BARX2: variants seen among roughly 807,000 people sequenced by gnomAD.
BARX2 encodes the protein BARX homeobox 2, also known as homeobox protein BarH-like 2.
In BARX2, 11 loss-of-function variants were observed where a neutral mutation model predicts 25.5. That is an observed-to-expected ratio of 0.43 (90% CI 0.27 to 0.71). The LOEUF is 0.71. Among genes scored for constraint, BARX2 ranks in the 30% least tolerant of loss-of-function variants. BARX2 has a pLI of 0.19. For missense variants in BARX2, 360 were observed against 359.9 expected, an observed-to-expected ratio of 1.00 and a Z score of 0.00; for synonymous variants, 137 against 149.5, an observed-to-expected ratio of 0.92 and a Z score of 0.61.
At position 129,446,892 on chromosome 11, in the gene BARX2, C is replaced by T. The variant is rs929679195; in HGVS notation, c.573+3973C>T. ...AAACAGTCATCAGTTATGTGGCCCT[C>T]GCTGCCCTATAAAGCTGCAGAGAGA... On this transcript the variant is annotated intron_variant, in intron 3 of 3. Coordinates refer to ENST00000281437, the MANE Select transcript of BARX2 (RefSeq NM_003658.5). 7.2e-5 allele frequency among the ~76,000 whole-genome samples: 11 copies of T among 152,246 alleles called. No individual in the cohort carries two copies. The East Asian group carries it at 9.7e-4, about 13-fold the overall frequency.
chr11:129,419,666 G>A (rs755414903), intron 1 of BARX2, among the ~76,000 whole-genome samples: 1 of 152,068 alleles, frequency 6.6e-6, no homozygotes, highest in Non-Finnish European at 1.5e-5. Context: ...TGAGACTTGT[G>A]GGGGAATCTA....
chr11:129,442,585 G>A (rs3827486), intron 2 of BARX2: 213,341 of 483,146 alleles, frequency 0.44, 50,584 homozygotes, highest in East Asian at 0.84. Context: ...CTTGCAGACC[G>A]TGAATGTTTC....
chr11:129,387,812 G>A (rs966751798), intron 1 of BARX2, among the ~76,000 whole-genome samples: 3 of 152,156 alleles, frequency 2.0e-5, no homozygotes, highest in African/African-American at 7.2e-5. Context: ...CTAAATAGGA[G>A]TAACAACAAT....
chr11:129,393,710 T>G (rs1436625319), intron 1 of BARX2, among the ~76,000 whole-genome samples: 8 of 152,154 alleles, frequency 5.3e-5, no homozygotes, highest in South Asian at 4.1e-4. Flanking sequence ...TTTTTAAAAA[T>G]TAAATATTGA....
intron 1 of BARX2, among the ~76,000 whole-genome samples, chr11:129,420,541 G>A (rs1217628000): frequency 6.6e-6 from 1 of 152,192 alleles, no homozygotes; most frequent in Non-Finnish European, 1.5e-5. Context: ...GTTATTTAGT[G>A]TGTTATTAGC....
chr11:129,450,505 T>C (rs1251894247), intron 3 of BARX2, among the ~76,000 whole-genome samples: 1 of 152,226 alleles, frequency 6.6e-6, no homozygotes, highest in Non-Finnish European at 1.5e-5. Context: ...GTAATGGTTG[T>C]CAAGTATTCT....
intron 1 of BARX2, among the ~76,000 whole-genome samples, chr11:129,426,964 T>C (rs1375804169): frequency 6.6e-6 from 1 of 152,208 alleles, no homozygotes; most frequent in African/African-American, 2.4e-5. Context: ...AAGACTTCCA[T>C]TGAGCAAAGA....
intron 1 of BARX2, among the ~76,000 whole-genome samples, chr11:129,413,906 A>G (rs1861915601): frequency 2.0e-5 from 3 of 152,042 alleles, no homozygotes; most frequent in South Asian, 4.2e-4. Flanking sequence ...TACTAAATAC[A>G]AAAACAAAAA....
intron 1 of BARX2, among the ~76,000 whole-genome samples, chr11:129,382,504 C>T (rs2323584): frequency 0.47 from 72,032 of 151,978 alleles, 17,236 homozygotes; most frequent in East Asian, 0.57. Flanking sequence ...GTACTGAGCT[C>T]GTGAACGTGC....
chr11:129,407,585 A>C (rs569389341), intron 1 of BARX2, among the ~76,000 whole-genome samples: 2 of 152,302 alleles, frequency 1.3e-5, no homozygotes, highest in South Asian at 4.1e-4. Context: ...CAGCTGTGAA[A>C]TCAGATGTTT....
At chr11:129,422,933 C>T (rs1862022056) in intron 1 of BARX2, among the ~76,000 whole-genome samples, 1 of 151,562 alleles carries the variant, frequency 6.6e-6, no homozygotes, top group Non-Finnish European at 1.5e-5. Flanking sequence ...AGACTCCCGA[C>T]CTCAGATGAT....
chr11:129,446,271 C>T (rs1278541772), intron 3 of BARX2, among the ~76,000 whole-genome samples: 1 of 152,196 alleles, frequency 6.6e-6, no homozygotes, highest in East Asian at 1.9e-4. Flanking sequence ...CAGATACCTC[C>T]TTTCTCTCCT....
chr11:129,380,621 A>T (rs764404261), intron 1 of BARX2, among the ~76,000 whole-genome samples: 1 of 152,188 alleles, frequency 6.6e-6, no homozygotes, highest in Admixed American at 6.5e-5. Context: ...CCAGAGGCAC[A>T]TAGGCTTTTA....
At chr11:129,394,255 A>G (rs747616077) in intron 1 of BARX2, among the ~76,000 whole-genome samples, 2 of 152,120 alleles carry the variant, frequency 1.3e-5, no homozygotes, top group Admixed American at 1.3e-4. Context: ...TAGAGTGTCC[A>G]GTGTGTACAT....
intron 1 of BARX2, among the ~76,000 whole-genome samples, chr11:129,422,278 A>G (rs2135404092): frequency 6.6e-6 from 1 of 152,222 alleles, no homozygotes; most frequent in East Asian, 1.9e-4. Flanking sequence ...TCTTTTATGC[A>G]TTTATTTAAT....
chr11:129,451,119 A>AT lies in BARX2; in HGVS notation c.574-11dup. 6.2e-7 allele frequency: 1 copy of AT among 1,604,472 alleles called. No homozygotes were observed. Among genetic ancestry groups the AT allele is most frequent in the Non-Finnish European group, 8.5e-7 (1 of 1,173,426 alleles). On this transcript the variant is annotated splice_polypyrimidine_tract_variant and intron_variant, in intron 3 of 3. Transcript: ENST00000281437. Reference sequence around the variant, plus strand: ...GAATTATTTCTTAGATTCAATAACAATTTTTTACTCACGTAGGTTCTTAAA... The same window carrying AT: ...GAATTATTTCTTAGATTCAATAACAATTTTTTTACTCACGTAGGTTCTTAAA...
rs1861501429 is a variant in BARX2, at chr11:129,376,170, C to T, written c.135C>T (p.Tyr45=). 1 of 1,613,414 alleles carries T rather than the reference C, an allele frequency of 6.2e-7. No individual in the cohort carries two copies. The highest frequency in any genetic ancestry group is 1.1e-5 in the South Asian group (1 of 91,016). ...TCDYFEKLSL[Y]SVCPSLVVRP... ...ATTACTTTGAGAAACTTTCCCTCTA[C>T]TCCGTGTGCCCGTCGCTGGTCGTGC... The change falls in exon 1 of 4, where the codon TAC becomes TAT. Residue 45 remains tyrosine (Y), a synonymous_variant. Transcript: ENST00000281437. This position sits in a 1 kb window ranked among gnomAD's most constrained non-coding sequence, Gnocchi z 4.2.
chr11:129,432,541 C>G (rs1026799632), intron 1 of BARX2, among the ~76,000 whole-genome samples: 5 of 152,186 alleles, frequency 3.3e-5, no homozygotes, highest in Admixed American at 2.6e-4. Flanking sequence ...CCCAGGAGAA[C>G]ACCCACAATG....
intron 1 of BARX2, among the ~76,000 whole-genome samples, chr11:129,418,209 C>G (rs1370376042): frequency 6.6e-6 from 1 of 152,098 alleles, no homozygotes; most frequent in Non-Finnish European, 1.5e-5. Flanking sequence ...GTAATGGTTG[C>G]AAATTCTATA....
Sources: allele counts gnomAD v4.1 joint callset (sites outside exome capture counted in the v4.1 genomes callset), GRCh38; gene constraint gnomAD v4.1.1; non-coding constraint Gnocchi (gnomAD v3.1); transcripts MANE v1.5; gene names NCBI Gene and HGNC (gene_info 2026-07-23, HGNC 2026-07-21).